Variants in SCN8A observed in about 807,000 individuals in gnomAD.
SCN8A encodes the protein sodium channel protein type 8 subunit alpha.
In SCN8A, 30 loss-of-function variants were observed where a neutral mutation model predicts 184.1. That is an observed-to-expected ratio of 0.16 (90% CI 0.12 to 0.22). SCN8A has a LOEUF of 0.22. Among genes scored for constraint, SCN8A ranks in the 10% least tolerant of loss-of-function variants. The pLI is 1.00. For synonymous variants in SCN8A, 852 were observed against 907.0 expected (o/e 0.94, Z 1.09); for missense variants, 1,057 against 2,498.9 (o/e 0.42, Z 12.30).
At chr12:51,728,823 G>T (rs1942195435) in intron 12 of SCN8A, among the ~76,000 whole-genome samples, 9 of 150,992 alleles carry the variant, frequency 6.0e-5, no homozygotes, top group Admixed American at 5.9e-4. Context: ...TTTCAACTTA[G>T]ATTCAACCAG....
At chr12:51,602,097 A>G (rs1939480349) in intron 1 of SCN8A, among the ~76,000 whole-genome samples, 1 of 152,088 alleles carries the variant, frequency 6.6e-6, no homozygotes, top group African/African-American at 2.4e-5. Flanking sequence ...TAGAACCTAG[A>G]AAGAACTGTT....
At chr12:51,712,345 C>T in intron 11 of SCN8A, 1 of 601,500 alleles carries the variant, frequency 1.7e-6, no homozygotes, top group South Asian at 2.0e-5. Context: ...CCTTCTGTGG[C>T]AGATTTTTAC....
intron 1 of SCN8A, among the ~76,000 whole-genome samples, chr12:51,597,767 C>G (rs1939381145): frequency 6.6e-6 from 1 of 152,056 alleles, no homozygotes; most frequent in East Asian, 1.9e-4. Flanking sequence ...ATTTTTCTTT[C>G]ATTTTAGTGA....
intron 8 of SCN8A, among the ~76,000 whole-genome samples, chr12:51,701,851 G>C (rs1332642583): frequency 6.6e-6 from 1 of 152,096 alleles, no homozygotes; most frequent in Non-Finnish European, 1.5e-5. Flanking sequence ...CTAAGAACTG[G>C]TGTTTTAACA....
intron 1 of SCN8A, among the ~76,000 whole-genome samples, chr12:51,626,997 TA>T (rs767712839): frequency 1.2e-4 from 19 of 152,258 alleles, no homozygotes; most frequent in Middle Eastern, 3.4e-3. Flanking sequence ...AGTTTTCATT[TA>T]GTTGTCTTTT....
chr12:51,810,274 C>T lies in SCN8A; in HGVS notation c.*2845C>T, dbSNP rs536750475. The T allele has an allele frequency of 1.6e-5, 4 of 242,480 alleles. No homozygotes were observed. The highest frequency in any genetic ancestry group is 1.4e-4 in the South Asian group (4 of 28,920). The allele number at this position is 242,480 out of a possible 1,614,324, so 15.0% of individuals were successfully genotyped here. On this transcript the variant is annotated 3_prime_UTR_variant, in exon 27 of 27. Coordinates refer to ENST00000627620, the MANE Select transcript of SCN8A (RefSeq NM_001330260.2). ...CTTTTTAAAAAAAAAATGTTTCCCA[C>T]CTTTTTATCCTTCACCCACTGTCCT...
chr12:51,749,693 A>C (rs1482305501), intron 13 of SCN8A, among the ~76,000 whole-genome samples: 1 of 152,170 alleles, frequency 6.6e-6, no homozygotes, highest in African/African-American at 2.4e-5. Context: ...CTTAGCAACC[A>C]GGGAACCAAT....
At position 51,812,642 on chromosome 12, in the gene SCN8A, G is replaced by A. The variant is rs889290192; in HGVS notation, c.*5213G>A. The A allele has an allele frequency of 6.6e-6, 1 of 152,176 alleles. No individual in the cohort carries two copies. Among genetic ancestry groups the A allele is most frequent in the Non-Finnish European group, 1.5e-5 (1 of 68,028 alleles). 9.4% of individuals were successfully genotyped at this position (152,176 alleles called of 1,614,324 possible). On this transcript the variant is annotated 3_prime_UTR_variant, in exon 27 of 27. Transcript: ENST00000627620. The stretch of plus-strand genomic sequence containing the variant: ...CCTTTCACTTGCTTCTGGGGTTTGT[G>A]ATTATTCAAGACAATTTTTTCCCCT...
At chr12:51,786,405 C>G (rs1289835528) in intron 21 of SCN8A, 137 bp from the exon 22 acceptor site, 1 of 978,712 alleles carries the variant, frequency 1.0e-6, no homozygotes, top group South Asian at 1.6e-5. Flanking sequence ...TCAGTCTGTC[C>G]AGTTACTCTA....
rs1938207916 is a variant in SCN8A at position 51,790,252 on chromosome 12, G to A, written c.4420-146G>A. On this transcript the variant is annotated intron_variant, in intron 24 of 26. Transcript: ENST00000627620. ...ATCTCTTTAGAGCTGAATGATTATC[G>A]CGGGTCTACCCCACTCTGGGACAGC... 3.0e-5 allele frequency: 16 copies of A among 532,310 alleles called. No individual in the cohort carries two copies. The South Asian group carries it at 3.9e-4, about 13-fold the overall frequency. 33.0% of individuals were successfully genotyped at this position (532,310 alleles called of 1,614,324 possible). A position where few individuals can be genotyped will look rare whatever the true frequency, so the allele number is the denominator to read the frequency against.
At chr12:51,652,703 A>G (rs1373429319) in intron 1 of SCN8A, among the ~76,000 whole-genome samples, 1 of 151,978 alleles carries the variant, frequency 6.6e-6, no homozygotes, top group South Asian at 2.1e-4. Context: ...AACCCACCCT[A>G]CCAGCCCATC....
chr12:51,696,914 C>T (rs1337229312), intron 6 of SCN8A, among the ~76,000 whole-genome samples: 7 of 151,810 alleles, frequency 4.6e-5, no homozygotes, highest in African/African-American at 1.7e-4. Context: ...TGGCGGGCAC[C>T]TGTAATCCCA....
At chr12:51,707,373 G>A (rs904142500) in intron 11 of SCN8A, among the ~76,000 whole-genome samples, 7 of 152,204 alleles carry the variant, frequency 4.6e-5, no homozygotes, top group Admixed American at 1.3e-4. Flanking sequence ...TCCCACAGTA[G>A]GCTGTTTGCA....
At chr12:51,780,566 T>C (rs1293076594) in intron 20 of SCN8A, 83 bp from the exon 21 acceptor site, 15 of 153,800 alleles carry the variant, frequency 9.8e-5, no homozygotes, top group Non-Finnish European at 1.3e-4. Context: ...GTTTTCTTTC[T>C]TTTTTTTTTT....
chr12:51,799,593 G>T (rs1159175645), intron 26 of SCN8A, among the ~76,000 whole-genome samples: 2 of 152,148 alleles, frequency 1.3e-5, no homozygotes, highest in Non-Finnish European at 2.9e-5. Flanking sequence ...AGCACCACTG[G>T]ATCTGCTGGG....
chr12:51,788,803 G>A, intron 23 of SCN8A, 55 bp downstream of exon 23: 1 of 1,512,736 alleles, frequency 6.6e-7, no homozygotes, highest in Non-Finnish European at 9.1e-7. Flanking sequence ...AAAGCAAGCA[G>A]CATGGTATAC....
intron 12 of SCN8A, among the ~76,000 whole-genome samples, chr12:51,733,035 G>A (rs578250): frequency 0.88 from 134,570 of 152,172 alleles, 59,729 homozygotes; most frequent in East Asian, 0.98. Flanking sequence ...TCCGATTTGT[G>A]TGCCCTTTAT....
Position 51,624,189 on chromosome 12 carries a change from T to G in SCN8A, c.-55+32830T>G, listed in dbSNP as rs1375579107. Reference sequence around the variant, plus strand: ...CAAGATCCCTGAGGAATCGCCACACTGACTTCCACAAGGGTTGAACTAGTT... The same window carrying G: ...CAAGATCCCTGAGGAATCGCCACACGGACTTCCACAAGGGTTGAACTAGTT... On this transcript the variant is annotated intron_variant, in intron 1 of 26. Transcript: ENST00000627620. Among the ~76,000 whole-genome samples, 2 of 152,238 alleles carry G rather than the reference T, an allele frequency of 1.3e-5. 1 individual carries two copies. Among genetic ancestry groups the G allele is most frequent in the Non-Finnish European group, 2.9e-5 (2 of 68,038 alleles).
intron 12 of SCN8A, 77 bp from the exon 13 acceptor site, chr12:51,745,826 T>G (rs1942500838): frequency 8.2e-7 from 1 of 1,216,998 alleles, no homozygotes. Context: ...CACACTGGAC[T>G]GTGTATCAAG....
Sources: allele counts gnomAD v4.1 joint callset (sites outside exome capture counted in the v4.1 genomes callset), GRCh38; gene constraint gnomAD v4.1.1; transcripts MANE v1.5; gene names NCBI Gene and HGNC (gene_info 2026-07-23, HGNC 2026-07-21).